Variants in CERKL observed in about 807,000 individuals in gnomAD.
CERKL encodes CERK like autophagy regulator.
A neutral mutation model predicts 63.4 loss-of-function variants in CERKL; 61 were observed. The observed-to-expected ratio is 0.96, with a 90% CI of 0.78 to 1.19. CERKL has a LOEUF of 1.19. CERKL is among the 50% of genes most tolerant of loss of function. The pLI, the probability that CERKL is intolerant of heterozygous loss-of-function variation, is 0.00. For synonymous variants in CERKL, 250 were observed against 230.5 expected, an observed-to-expected ratio of 1.08 and a Z score of -0.77; for missense variants, 675 against 655.5, an observed-to-expected ratio of 1.03 and a Z score of -0.33.
intron 2 of CERKL, among the ~76,000 whole-genome samples, chr2:181,602,467 C>T (rs1456522908): frequency 1.3e-5 from 2 of 152,186 alleles, no homozygotes; most frequent in East Asian, 1.9e-4. Flanking sequence ...TTTAATTATA[C>T]ATATTCTCTA....
chr2:181,637,035 A>G (rs1409945848), intron 1 of CERKL, among the ~76,000 whole-genome samples: 2 of 152,228 alleles, frequency 1.3e-5, no homozygotes, highest in East Asian at 3.8e-4. Context: ...TAGGAGGACT[A>G]CAGTAAAAAC....
intron 11 of CERKL, 32 bp from the exon 12 acceptor site, chr2:181,539,296 G>C (rs376542893): frequency 7.1e-7 from 1 of 1,406,348 alleles, no homozygotes. Context: ...CATTATACTT[G>C]GTTTATCTCT....
chr2:181,548,322 G>T, intron 8 of CERKL: 1 of 567,416 alleles, frequency 1.8e-6, no homozygotes, highest in Non-Finnish European at 3.1e-6. Context: ...AAGGAGGGAG[G>T]GAGAGACAGG....
At chr2:181,576,073 T>A (rs1689122339) in intron 2 of CERKL, among the ~76,000 whole-genome samples, 2 of 152,194 alleles carry the variant, frequency 1.3e-5, no homozygotes, top group African/African-American at 2.4e-5. Context: ...ATAATAACAG[T>A]ATTATACAAC....
At chr2:181,553,135 G>T (rs1435657161) in intron 5 of CERKL, among the ~76,000 whole-genome samples, 1 of 152,216 alleles carries the variant, frequency 6.6e-6, no homozygotes, top group African/African-American at 2.4e-5. Context: ...CACAAGGTGA[G>T]TCTATGGACC....
Position 181,588,630 on chromosome 2 carries a change from T to C in CERKL, c.482-14746A>G, listed in dbSNP as rs1684860871. Among the ~76,000 whole-genome samples the C allele has an allele frequency of 2.6e-5, 4 of 152,232 alleles. No individual in the cohort carries two copies. In the South Asian group the frequency reaches 8.3e-4, roughly 32 times the overall value. ...CCAGTCGTGGAATTGCTGGATCATA[T>C]GGTAGTTCTACTTTAAACTGTTTGA... On this transcript the variant is annotated intron_variant, in intron 2 of 12. Coordinates refer to ENST00000410087, the MANE Select transcript of CERKL (RefSeq NM_201548.5).
chr2:181,651,709 T>G (rs1687946803), intron 1 of CERKL, among the ~76,000 whole-genome samples: 2 of 150,032 alleles, frequency 1.3e-5, no homozygotes, highest in Non-Finnish European at 3.0e-5. Flanking sequence ...GCATCCAAAT[T>G]AGAAAGAAGC....
In CERKL at chr2:181,570,354, C is replaced by T. The variant is rs536350672; in HGVS notation, c.613+3399G>A. ...CTTTTCAGTCTGATTTCTCTGCTGC[C>T]TTAACTTTTTCACTCTATTGTACTA... is the stretch of plus-strand genomic sequence containing the variant. On this transcript the variant is annotated intron_variant, in intron 3 of 12. Transcript: ENST00000410087. Among the ~76,000 whole-genome samples the T allele has an allele frequency of 1.2e-4, 19 of 152,274 alleles. No homozygotes were observed. The South Asian group carries it at 3.9e-3, about 32-fold the overall frequency.
chr2:181,629,709 G>A (rs1686867631), intron 1 of CERKL, among the ~76,000 whole-genome samples: 1 of 151,354 alleles, frequency 6.6e-6, no homozygotes, highest in African/African-American at 2.4e-5. Context: ...CATTGTTAGT[G>A]ATATTCAGAT....
chr2:181,618,807 G>T (rs1686327056), intron 1 of CERKL, among the ~76,000 whole-genome samples: 1 of 152,098 alleles, frequency 6.6e-6, no homozygotes, highest in Non-Finnish European at 1.5e-5. Flanking sequence ...TGGTCTTTGT[G>T]GTTTTCAACG....
Position 181,656,904 on chromosome 2 carries a change from A to T in CERKL, c.103T>A (p.Ser35Thr), listed in dbSNP as rs1260650232. 2 of 1,603,862 alleles carry T rather than the reference A, an allele frequency of 1.2e-6. No individual in the cohort carries two copies. Among genetic ancestry groups the T allele is most frequent in the East Asian group, 4.5e-5 (2 of 44,432 alleles). ...GCCGCCGCCTCCGTCTGCTGCGGGG[A>T]CGTTAACAGCGCCGGAGGCACAGCG... is the stretch of plus-strand genomic sequence containing the variant. ...AAAVPPALLT[S>T]PQQTEAAAER... is the part of the protein sequence containing the mutation. The change falls in exon 1 of 13, where the codon TCC becomes ACC. Residue 35 changes from serine to threonine, a missense_variant. Transcript: ENST00000410087.
chr2:181,546,924 T>G (rs531633301), intron 10 of CERKL, among the ~76,000 whole-genome samples: 2 of 152,216 alleles, frequency 1.3e-5, no homozygotes, highest in Non-Finnish European at 1.5e-5. Flanking sequence ...GCTCTCATAA[T>G]TCCCATGTGT....
At chr2:181,626,421 G>T (rs950488528) in intron 1 of CERKL, among the ~76,000 whole-genome samples, 2 of 152,098 alleles carry the variant, frequency 1.3e-5, no homozygotes, top group African/African-American at 4.8e-5. Flanking sequence ...CCATTGAGAT[G>T]GTGGCTCTGG....
At chr2:181,594,288 C>A (rs1043481790) in intron 2 of CERKL, among the ~76,000 whole-genome samples, 3 of 152,186 alleles carry the variant, frequency 2.0e-5, no homozygotes, top group African/African-American at 7.2e-5. Context: ...TGTGAGCCCA[C>A]AGTTAGCATT....
At position 181,589,245 on chromosome 2, in the gene CERKL, T is replaced by C. The variant is rs72885335; in HGVS notation, c.481+14592A>G. 5.0e-3 allele frequency among the ~76,000 whole-genome samples: 762 copies of C among 152,256 alleles called. 5 individuals carry two copies. The highest frequency in any genetic ancestry group is 7.3e-3 in the Non-Finnish European group (497 of 67,998). On this transcript the variant is annotated intron_variant, in intron 2 of 12. Coordinates refer to ENST00000410087, the MANE Select transcript of CERKL (RefSeq NM_201548.5). ...CAAGGCATCTGCCCATTTGCCCAATTGTATGATGTATAAAAACTACTTTCA... is the reference window on the plus strand; with the variant it reads ...CAAGGCATCTGCCCATTTGCCCAATCGTATGATGTATAAAAACTACTTTCA...
intron 2 of CERKL, among the ~76,000 whole-genome samples, chr2:181,591,858 T>A (rs1263743748): frequency 6.6e-6 from 1 of 152,188 alleles, no homozygotes; most frequent in Admixed American, 6.5e-5. Flanking sequence ...AGCTCCCAGA[T>A]GTTGGTTTCC....
intron 6 of CERKL, among the ~76,000 whole-genome samples, chr2:181,549,333 G>A (rs556384456): frequency 6.6e-6 from 1 of 152,058 alleles, no homozygotes; most frequent in Non-Finnish European, 1.5e-5. Context: ...ATATACTTAA[G>A]GAGTATTCAT....
At chr2:181,649,102 T>C (rs988324114) in intron 1 of CERKL, among the ~76,000 whole-genome samples, 2 of 151,988 alleles carry the variant, frequency 1.3e-5, no homozygotes, top group African/African-American at 2.4e-5. Context: ...AATTATCTAA[T>C]GAAAAGATAT....
intron 2 of CERKL, among the ~76,000 whole-genome samples, chr2:181,582,952 C>T (rs750828692): frequency 6.6e-6 from 1 of 152,150 alleles, no homozygotes; most frequent in Non-Finnish European, 1.5e-5. Flanking sequence ...GCCCATCTCA[C>T]TAAACGACCA....
Sources: gnomAD v4.1 joint callset for allele counts (sites outside exome capture counted in the v4.1 genomes callset) on GRCh38, gnomAD v4.1.1 for gene constraint, MANE v1.5 for transcripts, NCBI Gene and HGNC (gene_info 2026-07-23, HGNC 2026-07-21) for gene names.